The following STK4 variants were observed in gnomAD, a reference collection of about 807,000 sequenced individuals.
STK4 encodes serine/threonine kinase 4, also known as serine/threonine-protein kinase 4.
A neutral mutation model predicts 64.9 loss-of-function variants in STK4; 30 were observed. That is an observed-to-expected ratio of 0.46 (90% CI 0.35 to 0.63). The LOEUF (loss-of-function observed/expected upper bound fraction) is 0.63. STK4 is among the 20% of genes least tolerant of loss of function. The pLI is 0.01. For missense variants in STK4, 466 were observed against 598.5 expected (o/e 0.78, Z 2.31); for synonymous variants, 177 against 199.0 (o/e 0.89, Z 0.93).
At position 44,972,402 on chromosome 20, in the gene STK4, A is replaced by G. The variant is rs185842667; in HGVS notation, c.116+244A>G. 6 of 366,362 alleles carry G rather than the reference A, an allele frequency of 1.6e-5. No individual in the cohort carries two copies. In the South Asian group the frequency reaches 1.9e-4, roughly 11 times the overall value. The allele number at this position is 366,362 out of a possible 1,614,324, so 22.7% of individuals were successfully genotyped here. A position where few individuals can be genotyped will look rare whatever the true frequency, so the allele number is the denominator to read the frequency against. Reference sequence around the variant, plus strand: ...TTGTAGGATCTGTATGATTTTATCTACTTAACAGATAGCACTAATTAGATT... The same window carrying G: ...TTGTAGGATCTGTATGATTTTATCTGCTTAACAGATAGCACTAATTAGATT... On this transcript the variant is annotated intron_variant, in intron 2 of 10. Transcript: ENST00000372806.
intron 10 of STK4, among the ~76,000 whole-genome samples, chr20:45,046,276 A>G (rs548871246): frequency 1.3e-5 from 2 of 151,900 alleles, no homozygotes; most frequent in African/African-American, 2.4e-5. Flanking sequence ...AAAAAAAAAA[A>G]AAAGAAAAAT....
At position 44,989,137 on chromosome 20, in the gene STK4, G is replaced by A. The variant is rs182731891; in HGVS notation, c.525+1841G>A. 8.3e-4 allele frequency among the ~76,000 whole-genome samples: 127 copies of A among 152,290 alleles called. 1 individual carries two copies. Among genetic ancestry groups the A allele is most frequent in the South Asian group, 4.1e-3 (20 of 4,826 alleles). On this transcript the variant is annotated intron_variant, in intron 5 of 10. Transcript: ENST00000372806. ...AACCGTTGTTTTCATGTGATACACA[G>A]AGTTGCTGGATCACATGGTAACTCT...
At chr20:45,057,970 G>C (rs372180591) in intron 10 of STK4, among the ~76,000 whole-genome samples, 11 of 150,774 alleles carry the variant, frequency 7.3e-5, no homozygotes, top group East Asian at 5.9e-4. Flanking sequence ...TACAGAATAA[G>C]GATTAAACAA....
intron 5 of STK4, among the ~76,000 whole-genome samples, chr20:44,988,236 C>T (rs562013843): frequency 2.6e-5 from 4 of 151,772 alleles, no homozygotes; most frequent in East Asian, 1.9e-4. Flanking sequence ...TAATATTGGC[C>T]GGGTGCAGTG....
At chr20:45,043,643 A>T (rs554377507) in intron 10 of STK4, among the ~76,000 whole-genome samples, 1 of 152,344 alleles carries the variant, frequency 6.6e-6, no homozygotes, top group South Asian at 2.1e-4. Context: ...ATGCTCTAAA[A>T]TTTGAAACTT....
chr20:45,051,260 T>G (rs2068772747), intron 10 of STK4, among the ~76,000 whole-genome samples: 1 of 152,218 alleles, frequency 6.6e-6, no homozygotes, highest in Non-Finnish European at 1.5e-5. Flanking sequence ...CAAAAGGCCT[T>G]TAGTGCTAGA....
At position 45,078,568 on chromosome 20, in the gene STK4, T is replaced by C. The variant is rs1199489554; in HGVS notation, c.*3392T>C. ...CATCAGTAATTTTGAAGCACTTTCC[T>C]TTTTTTTTTTTTTTCCCCTTTTTGT... On this transcript the variant is annotated 3_prime_UTR_variant, in exon 11 of 11. Coordinates refer to ENST00000372806, the MANE Select transcript of STK4 (RefSeq NM_006282.5). 2 of 130,494 alleles carry C rather than the reference T, an allele frequency of 1.5e-5. No individual in the cohort carries two copies. Among genetic ancestry groups the C allele is most frequent in the Non-Finnish European group, 3.2e-5 (2 of 61,594 alleles). 8.1% of individuals were successfully genotyped at this position (130,494 alleles called of 1,614,324 possible). A position where few individuals can be genotyped will look rare whatever the true frequency, so the allele number is the denominator to read the frequency against.
At chr20:44,972,485 A>G (rs1485884674) in intron 2 of STK4, 1 of 181,732 alleles carries the variant, frequency 5.5e-6, no homozygotes, top group African/African-American at 2.4e-5. Flanking sequence ...GGTATGCAAT[A>G]ACTGTTTCAA....
At chr20:45,020,280 CATGCAGTTTGGAT>C (rs2068219308) in intron 9 of STK4, among the ~76,000 whole-genome samples, 1 of 152,112 alleles carries the variant, frequency 6.6e-6, no homozygotes, top group Admixed American at 6.5e-5. Context: ...ATATGGTGGT[CATGCAGTTTGGAT>C]GTGCAGTTTG....
chr20:45,000,639 A>C, intron 8 of STK4, 119 bp downstream of exon 8: 4 of 1,423,914 alleles, frequency 2.8e-6, no homozygotes. Context: ...TGCTTCCAGC[A>C]TAACTATGTC....
intron 5 of STK4, among the ~76,000 whole-genome samples, chr20:44,991,942 G>A (rs2145676740): frequency 6.6e-6 from 1 of 152,238 alleles, no homozygotes; most frequent in Non-Finnish European, 1.5e-5. Flanking sequence ...GGGATTACAG[G>A]TTTGAGCCAT....
intron 10 of STK4, among the ~76,000 whole-genome samples, chr20:45,036,095 T>G (rs1293232256): frequency 6.6e-6 from 1 of 152,132 alleles, no homozygotes; most frequent in Non-Finnish European, 1.5e-5. Context: ...AGAGTAGATT[T>G]TAATTAAGTG....
intron 10 of STK4, among the ~76,000 whole-genome samples, chr20:45,063,800 T>TTTTA (rs998880666): frequency 9.9e-5 from 15 of 152,004 alleles, no homozygotes; most frequent in African/African-American, 1.9e-4. Context: ...GGTCCAGTGT[T>TTTTA]TTTATTTATT....
chr20:45,054,911 A>G (rs1278340445), intron 10 of STK4, among the ~76,000 whole-genome samples: 1 of 152,182 alleles, frequency 6.6e-6, no homozygotes, highest in African/African-American at 2.4e-5. Flanking sequence ...TTAAGGCAAT[A>G]CAGGCAGAGC....
chr20:44,967,142 G>A (rs1362701210), intron 1 of STK4: 2 of 985,208 alleles, frequency 2.0e-6, no homozygotes, highest in Non-Finnish European at 1.2e-6. Context: ...GGGGATGGTG[G>A]AGGGTAGCAT....
chr20:45,009,416 C>G (rs977626423), intron 9 of STK4, among the ~76,000 whole-genome samples: 12 of 152,106 alleles, frequency 7.9e-5, no homozygotes, highest in African/African-American at 2.9e-4. Context: ...TGTACCAGTA[C>G]AAGAACAGCA....
At chr20:44,997,126 T>G (rs1167873421) in intron 6 of STK4, 43 bp from the exon 7 acceptor site, 1 of 1,610,450 alleles carries the variant, frequency 6.2e-7, no homozygotes, top group East Asian at 2.2e-5. Context: ...AGCATTACTT[T>G]TATTTTACCA....
chr20:44,966,728 T>C, intron 1 of STK4, 125 bp downstream of exon 1: 1 of 1,099,484 alleles, frequency 9.1e-7, no homozygotes, highest in Non-Finnish European at 1.2e-6. Context: ...GGGCACCTGC[T>C]GAGTGAGGGG....
chr20:45,002,768 T>C (rs1016279533), intron 9 of STK4, among the ~76,000 whole-genome samples: 1 of 152,172 alleles, frequency 6.6e-6, no homozygotes, highest in East Asian at 1.9e-4. Flanking sequence ...GTAAACACTT[T>C]GTAAAAGTAT....
Sources: gnomAD v4.1 joint callset for allele counts (sites outside exome capture counted in the v4.1 genomes callset) on GRCh38, gnomAD v4.1.1 for gene constraint, MANE v1.5 for transcripts, NCBI Gene and HGNC (gene_info 2026-07-23, HGNC 2026-07-21) for gene names.